The following ZFP62 variants were observed in gnomAD, a reference collection of about 807,000 sequenced individuals.
The protein encoded by ZFP62 is ZFP62 zinc finger protein.
In ZFP62, 44 loss-of-function variants were observed where a neutral mutation model predicts 56.4. The observed-to-expected ratio is 0.78, with a 90% CI of 0.61 to 1.00. The LOEUF is 1.00. Among genes scored for constraint, ZFP62 ranks in the 50% least tolerant of loss-of-function variants. ZFP62 has a pLI of 0.00. For synonymous variants in ZFP62, 421 were observed against 388.9 expected (o/e 1.08, Z -0.97); for missense variants, 1,030 against 1,085.7 (o/e 0.95, Z 0.72).
chr5:180,856,895 G>A (rs951957087), intron 1 of ZFP62, among the ~76,000 whole-genome samples: 3 of 147,972 alleles, frequency 2.0e-5, no homozygotes, highest in Admixed American at 1.3e-4. Flanking sequence ...CGAGCCTGCA[G>A]TGAGCTGAGA....
chr5:180,844,429 CCT>C (rs922929015), downstream of ZFP62, among the ~76,000 whole-genome samples: 5 of 152,206 alleles, frequency 3.3e-5, no homozygotes, highest in Non-Finnish European at 7.4e-5. Flanking sequence ...CACTACTTAT[CCT>C]CTGAGATCTT....
chr5:180,846,725 G>A (rs1773421143), downstream of ZFP62, among the ~76,000 whole-genome samples: 1 of 152,148 alleles, frequency 6.6e-6, no homozygotes, highest in African/African-American at 2.4e-5. Context: ...CATCCATTAG[G>A]GTGGTTGTGC....
the ZFP62 span, among the ~76,000 whole-genome samples, chr5:180,829,393 C>T: frequency 6.6e-6 from 1 of 152,200 alleles, no homozygotes; most frequent in Non-Finnish European, 1.5e-5. Context: ...TCGTACACTC[C>T]CTCCCCTTTT....
downstream of ZFP62, chr5:180,845,604 G>A (rs143433399): frequency 0.013 from 7,191 of 548,510 alleles, 54 homozygotes; most frequent in Non-Finnish European, 0.015. Context: ...ACTGTATTCT[G>A]CTTCCTTCTC....
At chr5:180,847,373 T>TCC (rs1554135563), downstream of ZFP62, among the ~76,000 whole-genome samples, 2 of 26,118 alleles carry the variant, frequency 7.7e-5, no homozygotes, top group South Asian at 3.1e-3. Flanking sequence ...ACCTACCTGC[T>TCC]CCCGAGTTAG....
chr5:180,842,968 G>A (rs772782948), downstream of ZFP62, among the ~76,000 whole-genome samples: 1 of 151,588 alleles, frequency 6.6e-6, no homozygotes, highest in Non-Finnish European at 1.5e-5. Context: ...GCTTGAATCT[G>A]GGAGGTAGCC....
downstream of ZFP62, among the ~76,000 whole-genome samples, chr5:180,845,326 TAAAAAAAAAAAAAAA>T (rs772922940): frequency 2.1e-4 from 7 of 32,828 alleles, no homozygotes; most frequent in East Asian, 9.5e-3. Flanking sequence ...GAGACCGTCT[TAAAAAAAAAAAAAAA>T]AAAAAAAAAA....
At chr5:180,840,600 T>C in the ZFP62 span, among the ~76,000 whole-genome samples, 12 of 151,674 alleles carry the variant, frequency 7.9e-5, no homozygotes, top group Non-Finnish European at 1.8e-4. Context: ...CTACTAAAAA[T>C]ACAAAAATGA....
intron 1 of ZFP62, among the ~76,000 whole-genome samples, chr5:180,854,667 A>G (rs1018918099): frequency 1.1e-4 from 17 of 152,234 alleles, no homozygotes; most frequent in African/African-American, 4.1e-4. Context: ...AGATAGACAT[A>G]ATATGCTTTT....
At chr5:180,861,094 AG>A (rs1325264435) in intron 1 of ZFP62, 124 bp downstream of exon 1, 1 of 397,352 alleles carries the variant, frequency 2.5e-6, no homozygotes, top group Admixed American at 4.4e-5. Context: ...ATGTGCGGGG[AG>A]GGGGCACGCT....
the ZFP62 span, among the ~76,000 whole-genome samples, chr5:180,827,529 A>C: frequency 6.6e-6 from 1 of 152,206 alleles, no homozygotes; most frequent in African/African-American, 2.4e-5. Flanking sequence ...ACCACTCCCT[A>C]ATCTCAAGTA....
chr5:180,855,702 C>T (rs765655412), intron 1 of ZFP62, among the ~76,000 whole-genome samples: 10 of 152,164 alleles, frequency 6.6e-5, no homozygotes, highest in Non-Finnish European at 2.9e-5. Flanking sequence ...GCCCCTAGGA[C>T]CGCTGATTCT....
downstream of ZFP62, among the ~76,000 whole-genome samples, chr5:180,843,307 A>G (rs1773351629): frequency 6.6e-6 from 1 of 151,958 alleles, no homozygotes; most frequent in Non-Finnish European, 1.5e-5. Flanking sequence ...AAAAGAAGAG[A>G]AAAAGTATAT....
intron 1 of ZFP62, among the ~76,000 whole-genome samples, chr5:180,853,072 T>C (rs1025804749): frequency 2.6e-5 from 4 of 152,206 alleles, no homozygotes; most frequent in African/African-American, 7.2e-5. Context: ...AGTCCTACTT[T>C]AGGAATTTAT....
chr5:180,847,470 A>C, downstream of ZFP62: 2 of 496,280 alleles, frequency 4.0e-6, no homozygotes, highest in Non-Finnish European at 5.2e-6. Flanking sequence ...GCACCTTCTA[A>C]CTTCTGGTGA....
chr5:180,836,711 G>GGTAA, the ZFP62 span, among the ~76,000 whole-genome samples: 1 of 152,190 alleles, frequency 6.6e-6, no homozygotes, highest in African/African-American at 2.4e-5. Flanking sequence ...TGTAAACTGA[G>GGTAA]GTAAGGGCCA....
chr5:180,843,699 TTG>T (rs1350326796), downstream of ZFP62, among the ~76,000 whole-genome samples: 7 of 152,212 alleles, frequency 4.6e-5, no homozygotes. Context: ...AACTCAACAA[TTG>T]TCTCATTAAT....
chr5:180,852,413 G>A (rs1773759787), intron 1 of ZFP62, among the ~76,000 whole-genome samples: 1 of 152,020 alleles, frequency 6.6e-6, no homozygotes, highest in South Asian at 2.1e-4. Context: ...AATTAGCTGG[G>A]CGTGATGGCA....
rs1286463239 is a variant in ZFP62 at position 180,850,946 on chromosome 5, G to T, written c.549C>A (p.Ser183Arg). The T allele has an allele frequency of 1.3e-6, 2 of 1,555,118 alleles. No individual in the cohort carries two copies. Among genetic ancestry groups the T allele is most frequent in the Non-Finnish European group, 1.7e-6 (2 of 1,149,542 alleles). ...DCGGTFRSSS[S>R]LRVHKRIHTG... ...TGTGGATCCGTTTGTGGACCCGAAG[G>T]CTCGAGCTGCTCCGGAAAGTCCCTC... The change falls in exon 2 of 2, where the codon AGC becomes AGA. Residue 183 changes from serine to arginine, a missense_variant. Transcript: ENST00000502412.
Sources: gnomAD v4.1 joint callset for allele counts (sites outside exome capture counted in the v4.1 genomes callset) on GRCh38, gnomAD v4.1.1 for gene constraint, MANE v1.5 for transcripts, NCBI Gene and HGNC (gene_info 2026-07-23, HGNC 2026-07-21) for gene names.